The following CFAP53 variants were observed in gnomAD, a reference collection of about 807,000 sequenced individuals.
CFAP53 encodes cilia- and flagella-associated protein 53.
CFAP53 carries 62 observed loss-of-function variants against 59.7 expected under a neutral mutation model. The observed-to-expected ratio is 1.04, with a 90% CI of 0.85 to 1.28. The LOEUF is 1.28. CFAP53 is among the 50% of genes most tolerant of loss of function. The pLI, the probability that CFAP53 is intolerant of heterozygous loss-of-function variation, is 0.00. For missense variants in CFAP53, 629 were observed against 615.6 expected, an observed-to-expected ratio of 1.02 and a Z score of -0.23; for synonymous variants, 218 against 205.7, an observed-to-expected ratio of 1.06 and a Z score of -0.51.
At chr18:50,253,573 C>T (rs1032397191) in intron 3 of CFAP53, among the ~76,000 whole-genome samples, 1 of 152,162 alleles carries the variant, frequency 6.6e-6, no homozygotes, top group Non-Finnish European at 1.5e-5. Context: ...AGACACTATT[C>T]TAAGCACTTT....
At chr18:50,228,971 G>A (rs545188962) in intron 7 of CFAP53, among the ~76,000 whole-genome samples, 12 of 152,024 alleles carry the variant, frequency 7.9e-5, no homozygotes, top group Non-Finnish European at 1.3e-4. Flanking sequence ...ATGGTGGCAT[G>A]TGCCTGTGGT....
intron 7 of CFAP53, among the ~76,000 whole-genome samples, chr18:50,237,741 C>A (rs915348564): frequency 6.6e-6 from 1 of 152,110 alleles, no homozygotes; most frequent in African/African-American, 2.4e-5. Context: ...CTGTTTCCCC[C>A]ACCTGAGCCT....
chr18:50,251,897 G>A, intron 3 of CFAP53, 113 bp from the exon 4 acceptor site: 1 of 915,280 alleles, frequency 1.1e-6, no homozygotes, highest in Non-Finnish European at 1.7e-6. Flanking sequence ...AGACCTGGAT[G>A]CAGGCCATCG....
At chr18:50,249,646 C>T (rs1051152710) in intron 5 of CFAP53, among the ~76,000 whole-genome samples, 4 of 152,016 alleles carry the variant, frequency 2.6e-5, no homozygotes, top group African/African-American at 7.2e-5. Context: ...CTATATGATT[C>T]TACTAATATA....
rs774628854 is a variant in CFAP53, at chr18:50,227,547, T to A, written c.1379A>T (p.Gln460Leu). ...QLQMQIAYQQ[Q>L]SQEAEKEEKR... is the part of the protein sequence containing the mutation. ...CTCTTCCTTCTCTGCTTCTTGGGACTGCTGCTGGTAGGCGATTTGCATCTG... is the reference window on the plus strand; with the variant it reads ...CTCTTCCTTCTCTGCTTCTTGGGACAGCTGCTGGTAGGCGATTTGCATCTG... The change falls in exon 8 of 8, where the codon CAG (glutamine) becomes CTG (leucine). Residue 460 changes from glutamine to leucine, a missense_variant. Gln to Leu is a moderately radical substitution (Grantham distance 113). Transcript: ENST00000398545. The A allele has an allele frequency of 1.2e-6, 2 of 1,614,242 alleles. No individual in the cohort carries two copies. Among genetic ancestry groups the A allele is most frequent in the Non-Finnish European group, 1.7e-6 (2 of 1,180,040 alleles).
intron 6 of CFAP53, among the ~76,000 whole-genome samples, 167 bp from the exon 7 acceptor site, chr18:50,238,872 G>A (rs1444607239): frequency 2.0e-5 from 3 of 151,782 alleles, no homozygotes; most frequent in Non-Finnish European, 4.4e-5. Context: ...GAAATAAATT[G>A]GGTTTAGGCT....
chr18:50,237,774 C>T (rs1218358973), intron 7 of CFAP53, among the ~76,000 whole-genome samples: 1 of 152,134 alleles, frequency 6.6e-6, no homozygotes, highest in African/African-American at 2.4e-5. Flanking sequence ...CAGAAGGACA[C>T]TAACCAATCC....
rs71169499 is a variant in CFAP53, at chr18:50,261,252, C to CAAAAAAAAAA, written c.300-25_300-16dup. On this transcript the variant is annotated splice_polypyrimidine_tract_variant and intron_variant, in intron 2 of 7. Transcript: ENST00000398545. ...GCTCACGTAGCCTGAAACAAAAAGC[C>CAAAAAAAAAA]AAAAAAAAAAAAAAAAAAAGAAAAC... The CAAAAAAAAAA allele has an allele frequency of 2.5e-6, 3 of 1,215,714 alleles. No homozygotes were observed. The highest frequency in any genetic ancestry group is 2.2e-5 in the South Asian group (1 of 46,184). The allele number at this position is 1,215,714 out of a possible 1,614,324, so 75.3% of individuals were successfully genotyped here.
intron 5 of CFAP53, among the ~76,000 whole-genome samples, chr18:50,243,967 AAAAC>A (rs1790684003): frequency 6.6e-6 from 1 of 151,896 alleles, no homozygotes; most frequent in Non-Finnish European, 1.5e-5. Flanking sequence ...AAAAAAAACA[AAAAC>A]AAAAAAAATC....
chr18:50,265,444 A>AG (rs1171954854), intron 1 of CFAP53, among the ~76,000 whole-genome samples: 3 of 152,218 alleles, frequency 2.0e-5, no homozygotes, highest in Non-Finnish European at 4.4e-5. Flanking sequence ...CAAAAAAAAA[A>AG]TCTGAAATCC....
chr18:50,261,934 C>A, intron 2 of CFAP53, 56 bp downstream of exon 2: 1 of 1,419,252 alleles, frequency 7.0e-7, no homozygotes. Flanking sequence ...TGGTCAATCT[C>A]AAATTGTGGT....
chr18:50,233,540 C>A (rs1020807320), intron 7 of CFAP53, among the ~76,000 whole-genome samples: 9 of 152,216 alleles, frequency 5.9e-5, no homozygotes, highest in Admixed American at 2.0e-4. Context: ...CATCAGTGTG[C>A]TAAGGTACTA....
At chr18:50,237,629 G>A (rs569818115) in intron 7 of CFAP53, among the ~76,000 whole-genome samples, 1 of 151,770 alleles carries the variant, frequency 6.6e-6, no homozygotes, top group Non-Finnish European at 1.5e-5. Context: ...CAGAGAAGCC[G>A]GGTCCTCTTC....
At position 50,227,605 on chromosome 18, in the gene CFAP53, G is replaced by A. The variant is rs758249164; in HGVS notation, c.1321C>T (p.Gln441Ter). ...TTCCTGTACTCCTGGGCTAAACGTTGGCGTCTAAAGTATTAGAAATGTCAA... is the reference window on the plus strand; with the variant it reads ...TTCCTGTACTCCTGGGCTAAACGTTAGCGTCTAAAGTATTAGAAATGTCAA... The part of the protein sequence containing the change: ...CEEKENFARR[Q>*]RLAQEYRKQL... Residue 441 changes from glutamine (Q) to a stop codon, truncating the protein, a stop_gained, in exon 8 of 8, where the codon CAA (glutamine) becomes TAA (stop). Coordinates refer to ENST00000398545, the MANE Select transcript of CFAP53 (RefSeq NM_145020.5). LOFTEE classifies it low-confidence loss of function (END_TRUNC). The A allele has an allele frequency of 6.2e-7, 1 of 1,611,478 alleles. No individual in the cohort carries two copies. Among genetic ancestry groups the A allele is most frequent in the South Asian group, 1.1e-5 (1 of 91,022 alleles).
chr18:50,230,258 C>T (rs2033567892), intron 7 of CFAP53, among the ~76,000 whole-genome samples: 2 of 152,092 alleles, frequency 1.3e-5, no homozygotes, highest in Non-Finnish European at 2.9e-5. Context: ...AGGGTAGGGC[C>T]CCTGGGTGGC....
At chr18:50,239,825 C>T (rs939242055) in intron 6 of CFAP53, among the ~76,000 whole-genome samples, 1 of 152,064 alleles carries the variant, frequency 6.6e-6, no homozygotes, top group Non-Finnish European at 1.5e-5. Context: ...GAAGAAAATA[C>T]ACAAAGCTGT....
rs371804359 is a variant in CFAP53, at chr18:50,262,172, T to C, written c.117A>G (p.Arg39=). The C allele has an allele frequency of 3.7e-5, 60 of 1,614,238 alleles. No homozygotes were observed. In the Middle Eastern group the frequency reaches 4.9e-4, roughly 13 times the overall value. Reference sequence around the variant, plus strand: ...TATGCTTCTGATGGCTGCGTCGGATTCTTTCTAGATGGTGCTCAGCTCCTT... The same window carrying C: ...TATGCTTCTGATGGCTGCGTCGGATCCTTTCTAGATGGTGCTCAGCTCCTT... ...KGQGAEHHLE[R]IRRSHQKHNA... The change falls in exon 2 of 8, where the codon AGA becomes AGG. Residue 39 remains arginine, a synonymous_variant. Transcript: ENST00000398545.
Position 50,243,012 on chromosome 18 carries a change from G to T in CFAP53, c.1101C>A (p.Asp367Glu), listed in dbSNP as rs369539291. The T allele has an allele frequency of 6.5e-5, 105 of 1,613,770 alleles. No homozygotes were observed. In the African/African-American group the frequency reaches 1.3e-3, roughly 20 times the overall value. The change falls in exon 6 of 8, where the codon GAC becomes GAA. Residue 367 changes from aspartate to glutamate, a missense_variant. Transcript: ENST00000398545. ...EKEFDRILEE[D>E]KAKKLAEKDK... Reference sequence around the variant, plus strand: ...CCTTCTCAGCCAACTTCTTTGCCTTGTCTTCCTCTAATATTCTGTCAAATT... The same window carrying T: ...CCTTCTCAGCCAACTTCTTTGCCTTTTCTTCCTCTAATATTCTGTCAAATT...
At chr18:50,233,440 G>A (rs1044668534) in intron 7 of CFAP53, among the ~76,000 whole-genome samples, 5 of 152,074 alleles carry the variant, frequency 3.3e-5, no homozygotes, top group African/African-American at 4.8e-5. Flanking sequence ...GGTAGTTTAC[G>A]ACTGCTATTT....
Sources: allele counts gnomAD v4.1 joint callset (sites outside exome capture counted in the v4.1 genomes callset), GRCh38; gene constraint gnomAD v4.1.1; transcripts MANE v1.5; gene names NCBI Gene and HGNC (gene_info 2026-07-23, HGNC 2026-07-21).